Variants in MEGF8 observed in about 807,000 individuals in gnomAD.
The protein encoded by MEGF8 is multiple EGF like domains 8, also known as multiple epidermal growth factor-like domains protein 8.
Under a neutral mutation model 302.9 loss-of-function variants are expected in MEGF8, and 156 were observed. The ratio of observed to expected loss-of-function variants is 0.52; its 90% CI spans 0.45 to 0.59. The LOEUF (loss-of-function observed/expected upper bound fraction) is 0.59. Ranked by LOEUF, MEGF8 falls within the 20% of genes least tolerant of loss-of-function variation. MEGF8 has a pLI of 0.00. For missense variants in MEGF8, 3,345 were observed against 3,964.5 expected, an observed-to-expected ratio of 0.84 and a Z score of 4.20; for synonymous variants, 1,621 against 1,660.5, an observed-to-expected ratio of 0.98 and a Z score of 0.58.
chr19:42,345,183 G>C (rs2039272125), intron 12 of MEGF8, among the ~76,000 whole-genome samples: 1 of 152,176 alleles, frequency 6.6e-6, no homozygotes, highest in South Asian at 2.1e-4. Context: ...TGTTGGTCAG[G>C]CTGGTCTTGA....
At chr19:42,327,795 G>A (rs577526290) in intron 1 of MEGF8, among the ~76,000 whole-genome samples, 1 of 152,296 alleles carries the variant, frequency 6.6e-6, no homozygotes, top group South Asian at 2.1e-4. Context: ...AATCCAGTGT[G>A]TTAAAACATA....
Position 42,375,441 on chromosome 19 carries a change from C to G in MEGF8, c.7270-66C>G. The G allele has an allele frequency of 6.9e-7, 1 of 1,450,942 alleles. No homozygotes were observed. Among genetic ancestry groups the G allele is most frequent in the Non-Finnish European group, 9.2e-7 (1 of 1,085,346 alleles). 89.9% of individuals were successfully genotyped at this position (1,450,942 alleles called of 1,614,324 possible). ...AGTGGGTATAGAGTATTCGTCACTG[C>G]TGCTTGGGGGACAGGCTGGCACCGC... On this transcript the variant is annotated intron_variant, in intron 41 of 41. Coordinates refer to ENST00000251268, the MANE Select transcript of MEGF8 (RefSeq NM_001271938.2). The surrounding 1 kb of genome is among the most constrained non-coding windows in gnomAD (Gnocchi z 7.1).
Position 42,353,023 on chromosome 19 carries a change from C to T in MEGF8, c.3446C>T (p.Thr1149Ile), listed in dbSNP as rs1213406465. The T allele has an allele frequency of 1.3e-6, 2 of 1,559,872 alleles. No homozygotes were observed. Among genetic ancestry groups the T allele is most frequent in the African/African-American group, 1.4e-5 (1 of 73,410 alleles). ...TGGACATCAGACCTGCCCCCTCCCA[C>T]ACCCGCCCCGGGTCCGCCAGCCCCC... ...LGWTSDLPPPTPAPGPPAPRC... is the reference protein window; with the variant it reads ...LGWTSDLPPPIPAPGPPAPRC... The change falls in exon 20 of 42, where the codon ACA becomes ATA. Residue 1149 changes from threonine (T) to isoleucine (I), a missense_variant. Coordinates refer to ENST00000251268, the MANE Select transcript of MEGF8 (RefSeq NM_001271938.2). The surrounding 1 kb of genome is among the most constrained non-coding windows in gnomAD (Gnocchi z 6.1).
intron 31 of MEGF8, among the ~76,000 whole-genome samples, chr19:42,360,150 CAAAA>C (rs111805163): frequency 0.1 from 8,922 of 88,904 alleles, 333 homozygotes; most frequent in South Asian, 0.24. Context: ...GACTCTTTCT[CAAAA>C]AAAAAAAAAA....
At position 42,358,455 on chromosome 19, in the gene MEGF8, C is replaced by T. The variant is rs370951055; in HGVS notation, c.5175+148C>T. The T allele has an allele frequency of 2.3e-5, 25 of 1,084,290 alleles. No homozygotes were observed. The East Asian group carries it at 4.5e-4, about 20-fold the overall frequency. 67.2% of individuals were successfully genotyped at this position (1,084,290 alleles called of 1,614,324 possible). A position where few individuals can be genotyped will look rare whatever the true frequency, so the allele number is the denominator to read the frequency against. Reference sequence around the variant, plus strand: ...CTAAGCGACACCCCCACATCTCCCCCGCTTCCATCCCTGATTTGGAGGAGA... The same window carrying T: ...CTAAGCGACACCCCCACATCTCCCCTGCTTCCATCCCTGATTTGGAGGAGA... On this transcript the variant is annotated intron_variant, in intron 29 of 41. Coordinates refer to ENST00000251268, the MANE Select transcript of MEGF8 (RefSeq NM_001271938.2). This position sits in a 1 kb window ranked among gnomAD's most constrained non-coding sequence, Gnocchi z 4.4.
chr19:42,351,843 C>T lies in MEGF8; in HGVS notation c.3101+82C>T, dbSNP rs2039379061. The T allele has an allele frequency of 1.7e-6, 2 of 1,205,316 alleles. No homozygotes were observed. Among genetic ancestry groups the T allele is most frequent in the Admixed American group, 2.0e-5 (1 of 49,236 alleles). 74.7% of individuals were successfully genotyped at this position (1,205,316 alleles called of 1,614,324 possible). The stretch of plus-strand genomic sequence containing the variant: ...GGTCATTCTAATGGCCTCTTTGCTT[C>T]TCTGCCCTCTTGCCCATCCCATGGC... On this transcript the variant is annotated intron_variant, in intron 18 of 41. Transcript: ENST00000251268. This position sits in a 1 kb window ranked among gnomAD's most constrained non-coding sequence, Gnocchi z 5.6.
At position 42,353,709 on chromosome 19, in the gene MEGF8, TGTGC is replaced by T. The variant is rs758171633; in HGVS notation, c.3761+35_3761+38del. 4 of 1,573,574 alleles carry T rather than the reference TGTGC, an allele frequency of 2.5e-6. No individual in the cohort carries two copies. Among genetic ancestry groups the T allele is most frequent in the Non-Finnish European group, 3.5e-6 (4 of 1,154,544 alleles). The stretch of plus-strand genomic sequence containing the variant: ...ACGGGCCAGCCAGGGCTGGGTAGGG[TGTGC>T]TTGGGGACACAGTGGGGAGGGTCAG... On this transcript the variant is annotated intron_variant, in intron 21 of 41. Coordinates refer to ENST00000251268, the MANE Select transcript of MEGF8 (RefSeq NM_001271938.2). The surrounding 1 kb of genome is among the most constrained non-coding windows in gnomAD (Gnocchi z 6.1).
chr19:42,340,359 A>AT (rs1345489791), intron 8 of MEGF8, among the ~76,000 whole-genome samples: 1 of 152,128 alleles, frequency 6.6e-6, no homozygotes, highest in Admixed American at 6.5e-5. Flanking sequence ...CCTTCTGAGT[A>AT]GCTGGGACTA....
rs745636734 is a variant in MEGF8 at position 42,353,702 on chromosome 19, G to A, written c.3761+27G>A. Reference sequence around the variant, plus strand: ...TGAGCCAACGGGCCAGCCAGGGCTGGGTAGGGTGTGCTTGGGGACACAGTG... The same window carrying A: ...TGAGCCAACGGGCCAGCCAGGGCTGAGTAGGGTGTGCTTGGGGACACAGTG... On this transcript the variant is annotated intron_variant, in intron 21 of 41. Transcript: ENST00000251268. The surrounding 1 kb of genome is among the most constrained non-coding windows in gnomAD (Gnocchi z 6.1). 1 of 1,574,928 alleles carries A rather than the reference G, an allele frequency of 6.3e-7. No homozygotes were observed. The highest frequency in any genetic ancestry group is 2.3e-5 in the East Asian group (1 of 44,072).
At position 42,351,107 on chromosome 19, in the gene MEGF8, G is replaced by GT; in HGVS notation, c.2737-109_2737-108insT. On this transcript the variant is annotated intron_variant, in intron 15 of 41. Transcript: ENST00000251268. The surrounding 1 kb of genome is among the most constrained non-coding windows in gnomAD (Gnocchi z 5.6). The stretch of plus-strand genomic sequence containing the variant: ...GACGCAGGCAGCTGGGGAGGGAGAT[G>GT]GCCTTACAGGGACAGTCTGCAGGGT... 1 of 942,970 alleles carries GT rather than the reference G, an allele frequency of 1.1e-6. No homozygotes were observed. Among genetic ancestry groups the GT allele is most frequent in the Non-Finnish European group, 1.6e-6 (1 of 629,300 alleles). 58.4% of individuals were successfully genotyped at this position (942,970 alleles called of 1,614,324 possible). A position where few individuals can be genotyped will look rare whatever the true frequency, so the allele number is the denominator to read the frequency against.
In MEGF8 at chr19:42,351,807, C is replaced by T. The variant is rs2039378448; in HGVS notation, c.3101+46C>T. ...GGGCAGGGTGCCCGGCTGTGTCCTT[C>T]CTCCATGACCGGTCATTCTAATGGC... On this transcript the variant is annotated intron_variant, in intron 18 of 41. Transcript: ENST00000251268. This position sits in a 1 kb window ranked among gnomAD's most constrained non-coding sequence, Gnocchi z 5.6. 2.0e-6 allele frequency: 3 copies of T among 1,471,472 alleles called. No individual in the cohort carries two copies. The highest frequency in any genetic ancestry group is 1.4e-5 in the African/African-American group (1 of 71,450). 91.2% of individuals were successfully genotyped at this position (1,471,472 alleles called of 1,614,324 possible).
At chr19:42,361,049 CTA>C in intron 32 of MEGF8, 43 bp downstream of exon 32, 1 of 1,507,072 alleles carries the variant, frequency 6.6e-7, no homozygotes, top group Non-Finnish European at 8.9e-7. Flanking sequence ...GTGGAGCCCT[CTA>C]ATGGGGGTCC....
Position 42,368,787 on chromosome 19 carries a change from G to T in MEGF8, c.6482-56G>T. Reference sequence around the variant, plus strand: ...AGAGGAGGCAGGAGGGAGGGCCTAGGCAACTGGGGCAGGTGGTACAGAGGT... The same window carrying T: ...AGAGGAGGCAGGAGGGAGGGCCTAGTCAACTGGGGCAGGTGGTACAGAGGT... On this transcript the variant is annotated intron_variant, in intron 36 of 41. Transcript: ENST00000251268. The surrounding 1 kb of genome is among the most constrained non-coding windows in gnomAD (Gnocchi z 4.9). 1 of 1,584,276 alleles carries T rather than the reference G, an allele frequency of 6.3e-7. No individual in the cohort carries two copies. The highest frequency in any genetic ancestry group is 1.3e-5 in the African/African-American group (1 of 74,476).
In MEGF8 at chr19:42,352,303, G is replaced by A. The variant is rs771533990; in HGVS notation, c.3197G>A (p.Arg1066His). ...GLGLPVALPARWAYARCPDVD... is the reference protein window; with the variant it reads ...GLGLPVALPAHWAYARCPDVD... ...GGGCTTCCCGTGGCCCTCCCTGCCC[G>A]CTGGGCATACGCCCGCTGTCCTGAC... Residue 1066 changes from arginine (R) to histidine (H), a missense_variant, in exon 19 of 42, where the codon CGC becomes CAC. Arg to His is a conservative substitution (Grantham distance 29). Transcript: ENST00000251268. This position sits in a 1 kb window ranked among gnomAD's most constrained non-coding sequence, Gnocchi z 4.4. 15 of 1,575,702 alleles carry A rather than the reference G, an allele frequency of 9.5e-6. No individual in the cohort carries two copies. The highest frequency in any genetic ancestry group is 2.3e-5 in the South Asian group (2 of 86,158).
rs747681123 is a variant in MEGF8, at chr19:42,351,566, G to A, written c.2987+6G>A. 2.5e-6 allele frequency: 4 copies of A among 1,608,096 alleles called. No individual in the cohort carries two copies. In the East Asian group the frequency reaches 6.7e-5, roughly 27 times the overall value. ...TGTCGAGGCTGGGACGACAGGTATGGTCCCTGGGGCAGGGCTAACAGAGGA... is the reference window on the plus strand; with the variant it reads ...TGTCGAGGCTGGGACGACAGGTATGATCCCTGGGGCAGGGCTAACAGAGGA... On this transcript the variant is annotated splice_donor_region_variant and intron_variant, in intron 17 of 41. Coordinates refer to ENST00000251268, the MANE Select transcript of MEGF8 (RefSeq NM_001271938.2). This position sits in a 1 kb window ranked among gnomAD's most constrained non-coding sequence, Gnocchi z 5.6.
intron 31 of MEGF8, 106 bp downstream of exon 31, chr19:42,359,348 C>A: frequency 9.4e-7 from 1 of 1,066,602 alleles, no homozygotes; most frequent in Non-Finnish European, 1.2e-6. Flanking sequence ...CCTGCAGACC[C>A]ACTGGCAGAG....
rs149655881 is a variant in MEGF8 at position 42,345,165 on chromosome 19, T to C, written c.2097+332T>C. 1.1e-4 allele frequency among the ~76,000 whole-genome samples: 16 copies of C among 152,276 alleles called. No individual in the cohort carries two copies. The East Asian group carries it at 3.1e-3, about 29-fold the overall frequency. ...TTTTGTATTTTAGTAGAAGACGAAG[T>C]TTCACCATGTTGGTCAGGCTGGTCT... On this transcript the variant is annotated intron_variant, in intron 12 of 41. Coordinates refer to ENST00000251268, the MANE Select transcript of MEGF8 (RefSeq NM_001271938.2).
At chr19:42,371,190 G>A (rs1446163472) in intron 40 of MEGF8, among the ~76,000 whole-genome samples, 160 bp from the exon 41 acceptor site, 1 of 152,090 alleles carries the variant, frequency 6.6e-6, no homozygotes, top group Non-Finnish European at 1.5e-5. Context: ...TAATCCCAAT[G>A]GTAATTTAAC....
At chr19:42,340,672 G>C (rs954449556) in intron 8 of MEGF8, among the ~76,000 whole-genome samples, 4 of 150,996 alleles carry the variant, frequency 2.6e-5, no homozygotes, top group African/African-American at 9.8e-5. Context: ...TTACTATTTT[G>C]TTTTATTTTA....
Sources: allele counts gnomAD v4.1 joint callset (sites outside exome capture counted in the v4.1 genomes callset), GRCh38; gene constraint gnomAD v4.1.1; non-coding constraint Gnocchi (gnomAD v3.1); transcripts MANE v1.5; gene names NCBI Gene and HGNC (gene_info 2026-07-23, HGNC 2026-07-21).